LTBP1: variants seen among roughly 807,000 people sequenced by gnomAD.
LTBP1 encodes the protein latent-transforming growth factor beta-binding protein 1.
Under a neutral mutation model 207.6 loss-of-function variants are expected in LTBP1, and 129 were observed. The ratio of observed to expected loss-of-function variants is 0.62; its 90% CI spans 0.54 to 0.72. LTBP1 has a LOEUF of 0.72. LTBP1 is among the 30% of genes least tolerant of loss of function. The probability of loss-of-function intolerance (pLI) is 0.00; values close to 1 mark genes in which losing one functional copy is unlikely to be tolerated. For missense variants in LTBP1, 2,281 were observed against 2,217.2 expected (o/e 1.03, Z -0.58); for synonymous variants, 963 against 833.7 (o/e 1.16, Z -2.67).
intron 26 of LTBP1, among the ~76,000 whole-genome samples, chr2:33,348,600 A>C (rs985896209): frequency 6.6e-6 from 1 of 152,208 alleles, no homozygotes; most frequent in African/African-American, 2.4e-5. Context: ...TTGGTTAACT[A>C]AGTGTCTTTT....
chr2:33,142,563 T>G (rs1010328181), intron 5 of LTBP1, among the ~76,000 whole-genome samples: 5 of 152,072 alleles, frequency 3.3e-5, no homozygotes, highest in Middle Eastern at 3.4e-3. Context: ...AGAAGGGCAA[T>G]AGGTTGACCT....
chr2:33,209,041 G>C (rs975261910), intron 7 of LTBP1, among the ~76,000 whole-genome samples: 34 of 151,590 alleles, frequency 2.2e-4, no homozygotes, highest in African/African-American at 6.0e-4. Flanking sequence ...CTATTTTTTT[G>C]TGTGTGTTTT....
chr2:33,366,298 C>T (rs973588830), intron 31 of LTBP1, among the ~76,000 whole-genome samples: 7 of 152,070 alleles, frequency 4.6e-5, no homozygotes, highest in Non-Finnish European at 8.8e-5. Context: ...AGATCATGTG[C>T]AAGTAGAAAG....
chr2:32,964,634 G>C (rs1679661125), intron 2 of LTBP1, among the ~76,000 whole-genome samples: 3 of 151,482 alleles, frequency 2.0e-5, no homozygotes. Flanking sequence ...ATCTTATAAA[G>C]GCCACAGTTC....
intron 24 of LTBP1, among the ~76,000 whole-genome samples, chr2:33,336,409 AACTG>A (rs2094554006): frequency 1.3e-5 from 2 of 152,238 alleles, no homozygotes; most frequent in Admixed American, 6.5e-5. Flanking sequence ...CTCTCCCGCT[AACTG>A]ACTATGTAAC....
At chr2:33,209,064 G>C (rs191505897) in intron 7 of LTBP1, among the ~76,000 whole-genome samples, 134 of 151,952 alleles carry the variant, frequency 8.8e-4, no homozygotes, top group African/African-American at 3.0e-3. Flanking sequence ...GTAGAGACTG[G>C]GTTTCACCAT....
At chr2:33,199,347 G>T (rs2088944362) in intron 7 of LTBP1, among the ~76,000 whole-genome samples, 2 of 152,104 alleles carry the variant, frequency 1.3e-5, no homozygotes, top group South Asian at 4.2e-4. Flanking sequence ...ACTAGGTGTG[G>T]TGTGGTGCTG....
intron 3 of LTBP1, among the ~76,000 whole-genome samples, chr2:33,024,391 G>A (rs1359960297): frequency 2.0e-5 from 3 of 152,172 alleles, no homozygotes; most frequent in Non-Finnish European, 4.4e-5. Flanking sequence ...AAAGGCCTGC[G>A]ATAAGTGCAT....
At chr2:33,360,033 C>T (rs1478619984) in intron 26 of LTBP1, among the ~76,000 whole-genome samples, 1 of 152,190 alleles carries the variant, frequency 6.6e-6, no homozygotes, top group Non-Finnish European at 1.5e-5. Flanking sequence ...TTATGTCATT[C>T]AGTCATATAT....
chr2:33,227,331 T>A (rs2091497150), intron 9 of LTBP1, among the ~76,000 whole-genome samples: 1 of 152,182 alleles, frequency 6.6e-6, no homozygotes, highest in Admixed American at 6.5e-5. Flanking sequence ...CTGGCCTTTT[T>A]GTATTATTTT....
chr2:33,169,060 G>A (rs79463895), intron 5 of LTBP1, among the ~76,000 whole-genome samples: 3,366 of 152,240 alleles, frequency 0.022, 129 homozygotes, highest in African/African-American at 0.077. Flanking sequence ...AGTTGTAGTC[G>A]GGCCTTGCAG....
chr2:33,040,916 T>C (rs1315519909), intron 3 of LTBP1, among the ~76,000 whole-genome samples: 2 of 152,196 alleles, frequency 1.3e-5, no homozygotes, highest in Admixed American at 1.3e-4. Context: ...TACCATTTGC[T>C]ATGGAAGAAG....
chr2:33,191,675 A>G (rs1301153114), intron 7 of LTBP1, among the ~76,000 whole-genome samples: 1 of 152,258 alleles, frequency 6.6e-6, no homozygotes, highest in Non-Finnish European at 1.5e-5. Flanking sequence ...TTGCAAACGT[A>G]GCTATAGCCA....
chr2:33,287,585 GAT>G (rs370290816), intron 19 of LTBP1, among the ~76,000 whole-genome samples: 9 of 152,328 alleles, frequency 5.9e-5, no homozygotes, highest in African/African-American at 2.2e-4. Context: ...TTTGCTGAAA[GAT>G]AAAATGCTCC....
chr2:33,254,549 G>GT (rs531576154), intron 11 of LTBP1, among the ~76,000 whole-genome samples: 13,682 of 95,502 alleles, frequency 0.14, 1,249 homozygotes, highest in African/African-American at 0.21. Context: ...TTTAAACTTG[G>GT]TTTTTTTTTT....
intron 5 of LTBP1, among the ~76,000 whole-genome samples, chr2:33,135,708 A>T (rs965423712): frequency 1.3e-5 from 2 of 152,200 alleles, no homozygotes; most frequent in African/African-American, 4.8e-5. Flanking sequence ...ACTTTTTTGC[A>T]AATGGAGAAA....
chr2:33,073,335 A>G (rs2077902124), intron 3 of LTBP1, among the ~76,000 whole-genome samples: 1 of 149,448 alleles, frequency 6.7e-6, no homozygotes, highest in Non-Finnish European at 1.5e-5. Flanking sequence ...TTTTTCTTTG[A>G]CTATAAAGGA....
At chr2:33,097,518 C>T (rs1428098339) in intron 3 of LTBP1, among the ~76,000 whole-genome samples, 1 of 152,066 alleles carries the variant, frequency 6.6e-6, no homozygotes, top group Non-Finnish European at 1.5e-5. Flanking sequence ...CATTTTACGC[C>T]ACTGGAATAC....
intron 21 of LTBP1, 127 bp from the exon 22 acceptor site, chr2:33,301,395 C>A (rs1163741446): frequency 3.6e-6 from 4 of 1,123,016 alleles, no homozygotes; most frequent in Non-Finnish European, 2.4e-6. Flanking sequence ...ACAAAAGCGA[C>A]AATACATGAT....
Sources: allele counts gnomAD v4.1 joint callset (sites outside exome capture counted in the v4.1 genomes callset), GRCh38; gene constraint gnomAD v4.1.1; transcripts MANE v1.5; gene names NCBI Gene and HGNC (gene_info 2026-07-23, HGNC 2026-07-21).